The following G3BP2 variants were observed in gnomAD, a reference collection of about 807,000 sequenced individuals.
The protein encoded by G3BP2 is G3BP stress granule assembly factor 2.
In G3BP2, 11 loss-of-function variants were observed where a neutral mutation model predicts 56.7. That is an observed-to-expected ratio of 0.19 (90% confidence interval 0.12 to 0.32). G3BP2 has a LOEUF of 0.32. Among genes scored for constraint, G3BP2 ranks in the 10% least tolerant of loss-of-function variants. The probability of loss-of-function intolerance (pLI) is 1.00; values close to 1 mark genes in which losing one functional copy is unlikely to be tolerated. For synonymous variants in G3BP2, 165 were observed against 191.6 expected (o/e 0.86, Z 1.15); for missense variants, 340 against 610.9 (o/e 0.56, Z 4.67).
intron 3 of G3BP2, among the ~76,000 whole-genome samples, chr4:75,700,252 C>T (rs182698542): frequency 9.1e-4 from 138 of 151,446 alleles, no homozygotes; most frequent in Non-Finnish European, 1.2e-3. Flanking sequence ...CGGGGTTTGA[C>T]CACGTTGGCT....
Position 75,645,600 on chromosome 4 carries a change from T to C in G3BP2, c.1279A>G (p.Ile427Val). ...CCGGGACCTCGATCATTGCGCCTAATATCCCTGCGATCATCACCACCACCT... is the reference window on the plus strand; with the variant it reads ...CCGGGACCTCGATCATTGCGCCTAACATCCCTGCGATCATCACCACCACCT... The part of the protein sequence containing the change: ...TRGGGDDRRD[I>V]RRNDRGPGGP... The change falls in exon 12 of 12, where the codon ATT becomes GTT. Residue 427 changes from isoleucine (I) to valine (V), a missense_variant. Transcript: ENST00000359707. 6.2e-7 allele frequency: 1 copy of C among 1,614,068 alleles called. No homozygotes were observed. The highest frequency in any genetic ancestry group is 1.1e-5 in the South Asian group (1 of 91,062).
intron 3 of G3BP2, among the ~76,000 whole-genome samples, chr4:75,700,543 C>T (rs1719301656): frequency 1.4e-5 from 2 of 147,196 alleles, no homozygotes; most frequent in East Asian, 2.1e-4. Context: ...GCCTCAGCCT[C>T]CTGAGTAGCT....
At chr4:75,651,245 G>A (rs936132107) in intron 8 of G3BP2, among the ~76,000 whole-genome samples, 1 of 152,088 alleles carries the variant, frequency 6.6e-6, no homozygotes, top group African/African-American at 2.4e-5. Context: ...AACACTAAAT[G>A]CACCTTTATT....
intron 2 of G3BP2, 123 bp downstream of exon 2, chr4:75,661,808 A>T: frequency 1.7e-6 from 1 of 584,382 alleles, no homozygotes; most frequent in Non-Finnish European, 3.1e-6. Context: ...AATATTGAAT[A>T]CAGTTTAGAC....
At chr4:75,693,925 C>T (rs1718987294) in intron 3 of G3BP2, among the ~76,000 whole-genome samples, 1 of 151,534 alleles carries the variant, frequency 6.6e-6, no homozygotes, top group East Asian at 1.9e-4. Context: ...AATTTTTGTA[C>T]AGATGGGGTC....
At chr4:75,686,016 A>G (rs1718586081) in intron 3 of G3BP2, among the ~76,000 whole-genome samples, 1 of 152,218 alleles carries the variant, frequency 6.6e-6, no homozygotes, top group South Asian at 2.1e-4. Flanking sequence ...ACACATACAC[A>G]CAGAGCAAAA....
At chr4:75,647,273 G>C in intron 9 of G3BP2, 116 bp from the exon 10 acceptor site, 1 of 652,402 alleles carries the variant, frequency 1.5e-6, no homozygotes, top group Non-Finnish European at 2.5e-6. Context: ...AATAAGACTA[G>C]GTGAGCTTCT....
At chr4:75,722,732 A>T (rs1720225012) in intron 1 of G3BP2, among the ~76,000 whole-genome samples, 1 of 152,252 alleles carries the variant, frequency 6.6e-6, no homozygotes, top group Non-Finnish European at 1.5e-5. Flanking sequence ...CTTAGCGCAC[A>T]GTATTTTTGG....
At chr4:75,691,126 C>T (rs1173979960) in intron 3 of G3BP2, among the ~76,000 whole-genome samples, 6 of 151,764 alleles carry the variant, frequency 4.0e-5, no homozygotes, top group African/African-American at 1.5e-4. Flanking sequence ...GTCACCCAAG[C>T]TGGAGTGCAG....
intron 1 of G3BP2, chr4:75,672,716 T>TC (rs1335750606): frequency 1.3e-5 from 2 of 151,102 alleles, no homozygotes; most frequent in Non-Finnish European, 2.9e-5. Context: ...TCTTTTCCCC[T>TC]CCCCCCACGG....
intron 1 of G3BP2, among the ~76,000 whole-genome samples, chr4:75,667,335 C>G (rs1344226174): frequency 1.3e-5 from 2 of 149,642 alleles, no homozygotes; most frequent in Non-Finnish European, 3.0e-5. Context: ...TACTTATACA[C>G]AAAAAGAAAT....
At chr4:75,660,410 TG>T (rs1294819643) in intron 2 of G3BP2, among the ~76,000 whole-genome samples, 1 of 152,170 alleles carries the variant, frequency 6.6e-6, no homozygotes, top group Non-Finnish European at 1.5e-5. Context: ...ATAGAATGGT[TG>T]GGGACACTAC....
Position 75,657,540 on chromosome 4 carries a change from T to C in G3BP2, c.351+17A>G. 1 of 1,581,054 alleles carries C rather than the reference T, an allele frequency of 6.3e-7. No individual in the cohort carries two copies. The highest frequency in any genetic ancestry group is 8.6e-7 in the Non-Finnish European group (1 of 1,162,362). On this transcript the variant is annotated intron_variant, in intron 4 of 11. Coordinates refer to ENST00000359707, the MANE Select transcript of G3BP2 (RefSeq NM_203505.3). Reference sequence around the variant, plus strand: ...AGCAACCATATAAATGAAAACTAAGTGAATTGAGAAACTTACTTCAGGAGC... The same window carrying C: ...AGCAACCATATAAATGAAAACTAAGCGAATTGAGAAACTTACTTCAGGAGC...
At position 75,655,250 on chromosome 4, in the gene G3BP2, C is replaced by T; in HGVS notation, c.546-4G>A. 3 of 1,592,204 alleles carry T rather than the reference C, an allele frequency of 1.9e-6. No homozygotes were observed. Among genetic ancestry groups the T allele is most frequent in the South Asian group, 2.3e-5 (2 of 88,078 alleles). On this transcript the variant is annotated splice_region_variant and splice_polypyrimidine_tract_variant and intron_variant, in intron 6 of 11. Coordinates refer to ENST00000359707, the MANE Select transcript of G3BP2 (RefSeq NM_203505.3). ...CAAAGGCTCCTCTATGCCATTACTA[C>T]AATAAAATATTTAGTTCACTTTTTA...
intron 5 of G3BP2, 55 bp from the exon 6 acceptor site, chr4:75,655,925 G>A (rs1732065671): frequency 1.3e-5 from 12 of 926,438 alleles, no homozygotes; most frequent in Non-Finnish European, 1.9e-5. Flanking sequence ...AATTTCTAAC[G>A]GACATATTTT....
chr4:75,675,604 C>T (rs1487036364), upstream of G3BP2, among the ~76,000 whole-genome samples: 21 of 152,158 alleles, frequency 1.4e-4, no homozygotes, highest in Admixed American at 8.5e-4. Flanking sequence ...ACCAGCCTGA[C>T]CAACATGGAG....
At chr4:75,710,111 G>A (rs1443851664) in intron 3 of G3BP2, among the ~76,000 whole-genome samples, 1 of 152,204 alleles carries the variant, frequency 6.6e-6, no homozygotes, top group South Asian at 2.1e-4. Context: ...TAAATGACAA[G>A]GTGTGGGATG....
intron 2 of G3BP2, chr4:75,661,696 T>C: frequency 2.5e-6 from 1 of 406,142 alleles, no homozygotes; most frequent in Non-Finnish European, 4.5e-6. Flanking sequence ...AATAAGCGTG[T>C]GCATATATAG....
intron 3 of G3BP2, among the ~76,000 whole-genome samples, chr4:75,717,471 C>G (rs991848340): frequency 7.9e-5 from 12 of 152,078 alleles, no homozygotes; most frequent in African/African-American, 2.9e-4. Flanking sequence ...AGTCTGATCT[C>G]AAGAGACAAC....
Sources: gnomAD v4.1 joint callset for allele counts (sites outside exome capture counted in the v4.1 genomes callset) on GRCh38, gnomAD v4.1.1 for gene constraint, MANE v1.5 for transcripts, NCBI Gene and HGNC (gene_info 2026-07-23, HGNC 2026-07-21) for gene names.